ANKH: variants seen among roughly 807,000 people sequenced by gnomAD.
The protein encoded by ANKH is mineralization regulator ANKH.
A neutral mutation model predicts 49.0 loss-of-function variants in ANKH; 15 were observed. That is an observed-to-expected ratio of 0.31 (90% CI 0.20 to 0.47). The LOEUF is 0.47. ANKH is among the 20% of genes least tolerant of loss of function. The pLI, the probability that ANKH is intolerant of heterozygous loss-of-function variation, is 1.00. For missense variants in ANKH, 429 were observed against 652.0 expected (o/e 0.66, Z 3.72); for synonymous variants, 273 against 260.0 (o/e 1.05, Z -0.48).
rs1367047082 is a variant in ANKH, at chr5:14,871,485, C to A, written c.-38G>T. 4 of 1,558,270 alleles carry A rather than the reference C, an allele frequency of 2.6e-6. No homozygotes were observed. The highest frequency in any genetic ancestry group is 3.5e-6 in the Non-Finnish European group (4 of 1,135,336). ...GGGCTGACCCCACACACATCTGCTGCCGCGAGGGGACTCTGCGGGGAGGCG... is the reference window on the plus strand; with the variant it reads ...GGGCTGACCCCACACACATCTGCTGACGCGAGGGGACTCTGCGGGGAGGCG... On this transcript the variant is annotated 5_prime_UTR_variant, in exon 1 of 12. Coordinates refer to ENST00000284268, the MANE Select transcript of ANKH (RefSeq NM_054027.6).
intron 1 of ANKH, among the ~76,000 whole-genome samples, chr5:14,783,383 A>G (rs1254873023): frequency 2.0e-5 from 3 of 151,970 alleles, no homozygotes. Flanking sequence ...TATTTTACTT[A>G]ATTGTGACAA....
intron 8 of ANKH, among the ~76,000 whole-genome samples, chr5:14,720,278 C>G (rs1308530096): frequency 6.6e-6 from 1 of 152,130 alleles, no homozygotes; most frequent in African/African-American, 2.4e-5. Flanking sequence ...GTACTCACAC[C>G]CCATCTTTGA....
intron 1 of ANKH, among the ~76,000 whole-genome samples, chr5:14,798,805 G>A (rs1032792518): frequency 6.6e-6 from 1 of 152,060 alleles, no homozygotes; most frequent in Non-Finnish European, 1.5e-5. Context: ...TTGCCTCCAG[G>A]CCTCCCTGTT....
Position 14,793,073 on chromosome 5 carries a change from ATATAAAAATATAT to A in ANKH, c.97-23895_97-23883del, listed in dbSNP as rs1424867644. On this transcript the variant is annotated intron_variant, in intron 1 of 11. Transcript: ENST00000284268. Reference sequence around the variant, plus strand: ...AAATATATATAAAATATATATAAATATATAAAAATATATATATAAATATTTATTTATTTATATA... The same window carrying A: ...AAATATATATAAAATATATATAAATAATATAAATATTTATTTATTTATATA... Among the ~76,000 whole-genome samples, 90 of 116,066 alleles carry A rather than the reference ATATAAAAATATAT, an allele frequency of 7.8e-4. 2 individuals carry two copies. Among genetic ancestry groups the A allele is most frequent in the African/African-American group, 3.1e-3 (84 of 27,182 alleles). The allele number at this position is 116,066 out of a possible 152,430, so 76.1% of individuals were successfully genotyped here.
intron 1 of ANKH, among the ~76,000 whole-genome samples, chr5:14,781,494 T>C (rs1320936693): frequency 6.6e-6 from 1 of 152,236 alleles, no homozygotes; most frequent in Non-Finnish European, 1.5e-5. Flanking sequence ...TACAACGATG[T>C]TTGGCTAACT....
intron 1 of ANKH, among the ~76,000 whole-genome samples, chr5:14,781,161 G>A (rs1340791340): frequency 5.3e-5 from 8 of 152,118 alleles, no homozygotes; most frequent in South Asian, 2.1e-4. Context: ...TTGTCTTCCC[G>A]GTAGTTTTCC....
intron 1 of ANKH, among the ~76,000 whole-genome samples, chr5:14,849,932 A>G (rs1036836356): frequency 1.3e-5 from 2 of 151,932 alleles, no homozygotes. Flanking sequence ...CCTGCCTTAC[A>G]TCTCACCTCC....
rs1199081457 is a variant in ANKH, at chr5:14,846,079, A to ACTC, written c.96+25270_96+25272dup. ...ACCGTGTTGGCCAGGCTGGTCTCGA[A>ACTC]CTCCTGGCCTCAAGTGATCCGCCTG... is the stretch of plus-strand genomic sequence containing the variant. On this transcript the variant is annotated intron_variant, in intron 1 of 11. Transcript: ENST00000284268. Among the ~76,000 whole-genome samples, 5 of 151,614 alleles carry ACTC rather than the reference A, an allele frequency of 3.3e-5. No individual in the cohort carries two copies. In the East Asian group the frequency reaches 7.7e-4, roughly 23 times the overall value.
chr5:14,859,033 C>A (rs990680632), intron 1 of ANKH, among the ~76,000 whole-genome samples: 1 of 151,820 alleles, frequency 6.6e-6, no homozygotes, highest in Non-Finnish European at 1.5e-5. Flanking sequence ...ATAAAATATA[C>A]ATAAAAATGT....
At chr5:14,848,996 T>C (rs1247817816) in intron 1 of ANKH, among the ~76,000 whole-genome samples, 1 of 152,182 alleles carries the variant, frequency 6.6e-6, no homozygotes, top group African/African-American at 2.4e-5. Context: ...TACTACCTGA[T>C]TGGTCGGGTG....
At chr5:14,837,716 C>T (rs1188155502) in intron 1 of ANKH, among the ~76,000 whole-genome samples, 4 of 152,298 alleles carry the variant, frequency 2.6e-5, no homozygotes, top group Admixed American at 2.0e-4. Context: ...GACAGTGTGG[C>T]GATTCCTCAG....
chr5:14,780,118 G>A (rs1488110348), intron 1 of ANKH, among the ~76,000 whole-genome samples: 2 of 149,622 alleles, frequency 1.3e-5, no homozygotes, highest in South Asian at 2.1e-4. Context: ...AGAGAACCAC[G>A]TTTCACTGTG....
At chr5:14,719,146 C>T (rs1209827993) in intron 8 of ANKH, among the ~76,000 whole-genome samples, 1 of 152,202 alleles carries the variant, frequency 6.6e-6, no homozygotes, top group Admixed American at 6.5e-5. Flanking sequence ...CAACTGGGGA[C>T]ACAGCTTCCT....
chr5:14,817,268 G>A (rs914812684), intron 1 of ANKH, among the ~76,000 whole-genome samples: 4 of 152,110 alleles, frequency 2.6e-5, no homozygotes, highest in African/African-American at 7.2e-5. Context: ...CGTGAGGCTC[G>A]TTGATGGTGA....
At chr5:14,862,793 G>A (rs1735535268) in intron 1 of ANKH, among the ~76,000 whole-genome samples, 1 of 152,168 alleles carries the variant, frequency 6.6e-6, no homozygotes, top group Non-Finnish European at 1.5e-5. Flanking sequence ...GCAGGGGCTG[G>A]CTCGAATACA....
At chr5:14,717,454 C>A (rs1475032373) in intron 8 of ANKH, among the ~76,000 whole-genome samples, 1 of 152,158 alleles carries the variant, frequency 6.6e-6, no homozygotes, top group Non-Finnish European at 1.5e-5. Context: ...ATCTTGAACC[C>A]GATGGGGAAA....
chr5:14,763,155 T>C (rs1739143892), intron 2 of ANKH, among the ~76,000 whole-genome samples: 1 of 152,164 alleles, frequency 6.6e-6, no homozygotes, highest in African/African-American at 2.4e-5. Flanking sequence ...CCGAAATAAG[T>C]CTACACACAT....
chr5:14,864,072 G>T (rs185417523), intron 1 of ANKH, among the ~76,000 whole-genome samples: 1 of 152,118 alleles, frequency 6.6e-6, no homozygotes, highest in Non-Finnish European at 1.5e-5. Flanking sequence ...AAATTAGGCA[G>T]GCATGGTTCC....
At chr5:14,776,074 CCCA>C (rs1739611233) in intron 1 of ANKH, among the ~76,000 whole-genome samples, 1 of 152,210 alleles carries the variant, frequency 6.6e-6, no homozygotes, top group African/African-American at 2.4e-5. Context: ...GCTCATGCTT[CCCA>C]CGTTTCTTCC....
Sources: allele counts gnomAD v4.1 joint callset (sites outside exome capture counted in the v4.1 genomes callset), GRCh38; gene constraint gnomAD v4.1.1; transcripts MANE v1.5; gene names NCBI Gene and HGNC (gene_info 2026-07-23, HGNC 2026-07-21).